Variants in RPS6KB1 observed in about 807,000 individuals in gnomAD.
RPS6KB1 encodes the protein ribosomal protein S6 kinase B1.
A neutral mutation model predicts 70.2 loss-of-function variants in RPS6KB1; 12 were observed. The observed-to-expected ratio is 0.17, with a 90% CI of 0.11 to 0.28. RPS6KB1 has a LOEUF of 0.28. Among genes scored for constraint, RPS6KB1 ranks in the 10% least tolerant of loss-of-function variants. The pLI, the probability that RPS6KB1 is intolerant of heterozygous loss-of-function variation, is 1.00. For missense variants in RPS6KB1, 270 were observed against 646.6 expected (o/e 0.42, Z 6.32); for synonymous variants, 175 against 211.2 (o/e 0.83, Z 1.49).
At chr17:59,903,304 CA>C (rs1205673573) in intron 1 of RPS6KB1, among the ~76,000 whole-genome samples, 185 of 117,474 alleles carry the variant, frequency 1.6e-3, no homozygotes, top group Admixed American at 2.1e-3. Context: ...GACTCTGTCT[CA>C]AAAAAAAAAA....
At chr17:59,930,630 T>G (rs1463972301) in intron 6 of RPS6KB1, among the ~76,000 whole-genome samples, 1 of 152,198 alleles carries the variant, frequency 6.6e-6, no homozygotes, top group African/African-American at 2.4e-5. Flanking sequence ...CCCTCCTATT[T>G]CTAAACATGT....
chr17:59,927,492 T>C (rs2043679603), intron 5 of RPS6KB1, among the ~76,000 whole-genome samples: 1 of 152,120 alleles, frequency 6.6e-6, no homozygotes, highest in South Asian at 2.1e-4. Flanking sequence ...TTTGTGACTA[T>C]TGCCATTGGA....
rs756820769 is a variant in RPS6KB1, at chr17:59,912,725, G to T, written c.233G>T (p.Ser78Ile). The change falls in exon 3 of 15, where the codon AGT becomes ATT. Residue 78 changes from serine (S) to isoleucine (I), a missense_variant. Ser to Ile is a moderately radical substitution (Grantham distance 142, BLOSUM62 -2). This residue lies in a region of RPS6KB1 where 44 missense variants were observed against 102.5 expected (regional missense o/e 0.43). Transcript: ENST00000225577. ...HCEKFEISET[S>I]VNRGPEKIRP... ...GAGAAATTTGAAATCTCAGAAACTA[G>T]TGTGAACAGAGGGCCAGAAAAAATC... The T allele has an allele frequency of 6.2e-7, 1 of 1,613,982 alleles. No homozygotes were observed.
In RPS6KB1 at chr17:59,930,103, C is replaced by A. The variant is rs568831153; in HGVS notation, c.530-14C>A. On this transcript the variant is annotated splice_polypyrimidine_tract_variant and intron_variant, in intron 5 of 14. Transcript: ENST00000225577. ...TATTGTTTTATTTATAATGTTTTTT[C>A]TTTTTCTTTACAGGAGGAGAACTAT... 4 of 1,249,922 alleles carry A rather than the reference C, an allele frequency of 3.2e-6. No individual in the cohort carries two copies. Among genetic ancestry groups the A allele is most frequent in the Non-Finnish European group, 4.7e-6 (4 of 850,156 alleles). 77.4% of individuals were successfully genotyped at this position (1,249,922 alleles called of 1,614,324 possible).
At chr17:59,900,823 T>G (rs2144685990) in intron 1 of RPS6KB1, among the ~76,000 whole-genome samples, 1 of 152,204 alleles carries the variant, frequency 6.6e-6, no homozygotes, top group East Asian at 1.9e-4. Context: ...ACTTTGAGTA[T>G]ATTTACAGAG....
At chr17:59,927,188 AT>A in intron 5 of RPS6KB1, among the ~76,000 whole-genome samples, 1 of 152,048 alleles carries the variant, frequency 6.6e-6, no homozygotes. Flanking sequence ...AGTTCAAGCG[AT>A]TCTCCTGCCT....
At chr17:59,930,486 G>T in intron 6 of RPS6KB1, 1 of 268,376 alleles carries the variant, frequency 3.7e-6, no homozygotes, top group Non-Finnish European at 7.0e-6. Context: ...GAACCTTTAT[G>T]TGTGGAACAA....
At chr17:59,897,090 T>A (rs187665193) in intron 1 of RPS6KB1, among the ~76,000 whole-genome samples, 31 of 152,324 alleles carry the variant, frequency 2.0e-4, no homozygotes, top group African/African-American at 7.2e-4. Context: ...GGCCATATGA[T>A]AGCCAAAGAT....
At chr17:59,917,778 C>G (rs950964104) in intron 4 of RPS6KB1, among the ~76,000 whole-genome samples, 1 of 151,936 alleles carries the variant, frequency 6.6e-6, no homozygotes, top group Non-Finnish European at 1.5e-5. Flanking sequence ...TCTTTCAGTT[C>G]TAGGAAATTT....
At chr17:59,921,295 G>C (rs2043250980) in intron 4 of RPS6KB1, among the ~76,000 whole-genome samples, 1 of 151,966 alleles carries the variant, frequency 6.6e-6, no homozygotes, top group Non-Finnish European at 1.5e-5. Context: ...CCATTCTTGG[G>C]GTTCTTTTCT....
At chr17:59,906,167 A>G (rs1471131059) in intron 1 of RPS6KB1, among the ~76,000 whole-genome samples, 1 of 152,198 alleles carries the variant, frequency 6.6e-6, no homozygotes, top group East Asian at 1.9e-4. Flanking sequence ...TTAGTTGACA[A>G]TATAAATGTA....
At position 59,893,247 on chromosome 17, in the gene RPS6KB1, T is replaced by G. The variant is rs1284022425; in HGVS notation, c.63T>G (p.Ala21=). ...YPAPDFRDRE[A]EDMAGVFDID... ...CCCCGGACTTCCGAGACAGGGAAGC[T>G]GAGGACATGGCAGGAGTGTTTGACA... The change falls in exon 1 of 15, where the codon GCT becomes GCG. Residue 21 remains alanine (A), a synonymous_variant. Coordinates refer to ENST00000225577, the MANE Select transcript of RPS6KB1 (RefSeq NM_003161.4). The surrounding 1 kb of genome is among the most constrained non-coding windows in gnomAD (Gnocchi z 4.1). 4.3e-6 allele frequency: 7 copies of G among 1,612,802 alleles called. No individual in the cohort carries two copies. Among genetic ancestry groups the G allele is most frequent in the African/African-American group, 1.3e-5 (1 of 74,856 alleles).
At chr17:59,921,871 T>G (rs938420080) in intron 4 of RPS6KB1, among the ~76,000 whole-genome samples, 2 of 152,178 alleles carry the variant, frequency 1.3e-5, no homozygotes, top group Admixed American at 6.6e-5. Context: ...ACAATAACTT[T>G]CTCACTTTTG....
intron 13 of RPS6KB1, among the ~76,000 whole-genome samples, chr17:59,942,794 A>C (rs2145057408): frequency 6.6e-6 from 1 of 152,234 alleles, no homozygotes; most frequent in South Asian, 2.1e-4. Flanking sequence ...AGCCTGGCTA[A>C]CATGGTGAAA....
chr17:59,914,900 A>G (rs1326844064), intron 4 of RPS6KB1, among the ~76,000 whole-genome samples, 197 bp downstream of exon 4: 2 of 152,182 alleles, frequency 1.3e-5, no homozygotes, highest in Non-Finnish European at 2.9e-5. Context: ...AGACTGAGTC[A>G]GGAGGATTGC....
In RPS6KB1 at chr17:59,934,653, G is replaced by A. The variant is rs1310025615; in HGVS notation, c.870+129G>A. 1 of 638,748 alleles carries A rather than the reference G, an allele frequency of 1.6e-6. No homozygotes were observed. Among genetic ancestry groups the A allele is most frequent in the Non-Finnish European group, 2.8e-6 (1 of 363,066 alleles). 39.6% of individuals were successfully genotyped at this position (638,748 alleles called of 1,614,324 possible). A position where few individuals can be genotyped will look rare whatever the true frequency, so the allele number is the denominator to read the frequency against. On this transcript the variant is annotated intron_variant, in intron 9 of 14. Coordinates refer to ENST00000225577, the MANE Select transcript of RPS6KB1 (RefSeq NM_003161.4). The surrounding 1 kb of genome is among the most constrained non-coding windows in gnomAD (Gnocchi z 4.8). ...AAAGCCCAAAGATTTGTTATTAGCA[G>A]TTTAACACTAATAATGCTGTATGAT...
chr17:59,934,295 T>C lies in RPS6KB1; in HGVS notation c.779+35T>C, dbSNP rs1294993356. 3.3e-6 allele frequency: 5 copies of C among 1,507,382 alleles called. No homozygotes were observed. Among genetic ancestry groups the C allele is most frequent in the African/African-American group, 1.4e-5 (1 of 72,736 alleles). 93.4% of individuals were successfully genotyped at this position (1,507,382 alleles called of 1,614,324 possible). ...ATGTTAAACATAATTGGTTTGGGGG[T>C]AATAGCTAATTTTACCTGTTTTAAG... On this transcript the variant is annotated intron_variant, in intron 8 of 14. Transcript: ENST00000225577. The surrounding 1 kb of genome is among the most constrained non-coding windows in gnomAD (Gnocchi z 4.8).
chr17:59,906,216 C>T (rs2042256347), intron 1 of RPS6KB1, among the ~76,000 whole-genome samples: 1 of 152,112 alleles, frequency 6.6e-6, no homozygotes, highest in South Asian at 2.1e-4. Flanking sequence ...TTCTGTTGAT[C>T]TATATGTCTT....
intron 5 of RPS6KB1, among the ~76,000 whole-genome samples, chr17:59,928,967 C>A (rs1454877030): frequency 6.6e-6 from 1 of 152,118 alleles, no homozygotes; most frequent in African/African-American, 2.4e-5. Context: ...ATATTTATAT[C>A]TTTGTCCCAT....
Sources: allele counts gnomAD v4.1 joint callset (sites outside exome capture counted in the v4.1 genomes callset), GRCh38; gene constraint gnomAD v4.1.1; regional missense constraint gnomAD v4.1.1; non-coding constraint Gnocchi (gnomAD v3.1); transcripts MANE v1.5; gene names NCBI Gene and HGNC (gene_info 2026-07-23, HGNC 2026-07-21).